GORASP2: variants seen among roughly 807,000 people sequenced by gnomAD.
GORASP2 encodes Golgi reassembly-stacking protein 2.
GORASP2 carries 22 observed loss-of-function variants against 45.7 expected under a neutral mutation model. The ratio of observed to expected loss-of-function variants is 0.48; its 90% CI spans 0.34 to 0.69. The LOEUF (loss-of-function observed/expected upper bound fraction) is 0.69. Among genes scored for constraint, GORASP2 ranks in the 30% least tolerant of loss-of-function variants. The pLI is 0.01. For missense variants in GORASP2, 491 were observed against 562.7 expected (o/e 0.87, Z 1.29); for synonymous variants, 221 against 215.6 (o/e 1.02, Z -0.22).
chr2:170,956,389 G>T (rs767419253), intron 6 of GORASP2, 47 bp from the exon 7 acceptor site: 1 of 1,531,716 alleles, frequency 6.5e-7, no homozygotes, highest in Non-Finnish European at 8.8e-7. Context: ...TATTTTCTTT[G>T]AAATAAACTT....
At chr2:170,939,159 ATGT>A (rs1704019341) in intron 1 of GORASP2, among the ~76,000 whole-genome samples, 1 of 152,176 alleles carries the variant, frequency 6.6e-6, no homozygotes, top group African/African-American at 2.4e-5. Context: ...ATTTCTTTCG[ATGT>A]TGTTTTTCTA....
rs1008016991 is a variant in GORASP2 at position 170,947,301 on chromosome 2, G to C, written c.64-1049G>C. On this transcript the variant is annotated intron_variant, in intron 1 of 9. Transcript: ENST00000234160. Reference sequence around the variant, plus strand: ...TCTCTATTTCTGTCCACACTACTCTGTTGTCTAGCTACGCATGCTGTGATC... The same window carrying C: ...TCTCTATTTCTGTCCACACTACTCTCTTGTCTAGCTACGCATGCTGTGATC... Among the ~76,000 whole-genome samples the C allele has an allele frequency of 6.6e-5, 10 of 152,190 alleles. 1 individual carries two copies. Among genetic ancestry groups the C allele is most frequent in the South Asian group, 6.2e-4 (3 of 4,832 alleles).
In GORASP2 at chr2:170,962,874, C is replaced by G. The variant is rs1430912412; in HGVS notation, c.946C>G (p.Pro316Ala). Residue 316 changes from proline (P) to alanine (A), a missense_variant, in exon 9 of 10, where the codon CCC (proline) becomes GCC (alanine). Physicochemically the swap from Pro to Ala is conservative, Grantham distance 27 (BLOSUM62 -1). Coordinates refer to ENST00000234160, the MANE Select transcript of GORASP2 (RefSeq NM_015530.5). Reference sequence around the variant, plus strand: ...TTTACCAGCAGGACTGCCCAACCTCCCCAACCTCAACCTCAACCTCCCAGC... The same window carrying G: ...TTTACCAGCAGGACTGCCCAACCTCGCCAACCTCAACCTCAACCTCCCAGC... ...MPLPAGLPNL[P>A]NLNLNLPAPH... The G allele has an allele frequency of 6.2e-7, 1 of 1,613,866 alleles. No homozygotes were observed. Among genetic ancestry groups the G allele is most frequent in the African/African-American group, 1.3e-5 (1 of 74,862 alleles).
At position 170,960,247 on chromosome 2, in the gene GORASP2, A is replaced by G. The variant is rs146456773; in HGVS notation, c.824-1416A>G. 5.8e-3 allele frequency among the ~76,000 whole-genome samples: 890 copies of G among 152,348 alleles called. 11 individuals carry two copies. The highest frequency in any genetic ancestry group is 0.02 in the African/African-American group (824 of 41,572). On this transcript the variant is annotated intron_variant, in intron 7 of 9. Coordinates refer to ENST00000234160, the MANE Select transcript of GORASP2 (RefSeq NM_015530.5). ...TGTAAAGTGCCTCAGTGCCTTGAAC[A>G]ATGTGTAACATACAGTAGGTGCCCC... is the stretch of plus-strand genomic sequence containing the variant.
chr2:170,933,828 A>G lies in GORASP2; in HGVS notation c.63+4425A>G, dbSNP rs1413510944. Among the ~76,000 whole-genome samples the G allele has an allele frequency of 2.6e-5, 4 of 152,132 alleles. No homozygotes were observed. The East Asian group carries it at 7.7e-4, about 29-fold the overall frequency. On this transcript the variant is annotated intron_variant, in intron 1 of 9. Coordinates refer to ENST00000234160, the MANE Select transcript of GORASP2 (RefSeq NM_015530.5). ...ATTCTTTCTCATGCTTGCTTCTGGG[A>G]GAGATTTTGAGGTGATGGATATTTT...
At chr2:170,933,659 T>G (rs1703878548) in intron 1 of GORASP2, among the ~76,000 whole-genome samples, 1 of 151,946 alleles carries the variant, frequency 6.6e-6, no homozygotes, top group Admixed American at 6.6e-5. Context: ...CAGATGCCTA[T>G]TATAGGATCT....
chr2:170,936,847 C>A (rs35123411), intron 1 of GORASP2: 70,147 of 304,654 alleles, frequency 0.23, 8,784 homozygotes, highest in Middle Eastern at 0.31. Flanking sequence ...TATCCTCACA[C>A]CACTGCACTC....
rs2723231 is a variant in GORASP2 at position 170,929,969 on chromosome 2, G to A, written c.63+566G>A. On this transcript the variant is annotated intron_variant, in intron 1 of 9. Transcript: ENST00000234160. ...AGGTTCGACGGACTTAAACAGACTTGATTTTGACCAGACTTTTCCTTTCCC... is the reference window on the plus strand; with the variant it reads ...AGGTTCGACGGACTTAAACAGACTTAATTTTGACCAGACTTTTCCTTTCCC... 5.9e-3 allele frequency: 1,988 copies of A among 339,348 alleles called. 42 individuals carry two copies. The highest frequency in any genetic ancestry group is 0.039 in the African/African-American group (1,734 of 44,044). 21.0% of individuals were successfully genotyped at this position (339,348 alleles called of 1,614,324 possible).
At chr2:170,963,425 CGCTGCTACTGCTGCT>C (rs1163855773) in intron 9 of GORASP2, among the ~76,000 whole-genome samples, 10 of 146,588 alleles carry the variant, frequency 6.8e-5, no homozygotes, top group Non-Finnish European at 8.9e-5. Context: ...TCTCAGTCCC[CGCTGCTACTGCTGCT>C]GCTGCTGCTG....
intron 6 of GORASP2, among the ~76,000 whole-genome samples, chr2:170,955,565 G>T (rs924889898): frequency 2.0e-5 from 3 of 152,188 alleles, no homozygotes; most frequent in Admixed American, 1.3e-4. Context: ...TAAAGACAAG[G>T]CTGCTGCCAC....
chr2:170,945,262 AC>A (rs1432893416), intron 1 of GORASP2, among the ~76,000 whole-genome samples: 1 of 152,110 alleles, frequency 6.6e-6, no homozygotes, highest in Non-Finnish European at 1.5e-5. Context: ...GGAGTTCGAG[AC>A]CTGCATTGGC....
chr2:170,959,538 C>A (rs1314484955), intron 7 of GORASP2, among the ~76,000 whole-genome samples: 2 of 152,186 alleles, frequency 1.3e-5, no homozygotes, highest in Non-Finnish European at 2.9e-5. Flanking sequence ...AATGTTCTAG[C>A]ATCACAACAC....
chr2:170,941,006 A>T (rs2105315376), intron 1 of GORASP2, among the ~76,000 whole-genome samples: 1 of 152,300 alleles, frequency 6.6e-6, no homozygotes, highest in Middle Eastern at 3.4e-3. Context: ...TGTAATAGAG[A>T]TGCCCCTTTA....
intron 1 of GORASP2, among the ~76,000 whole-genome samples, chr2:170,935,016 G>T (rs1007336492): frequency 6.6e-6 from 1 of 152,162 alleles, no homozygotes; most frequent in African/African-American, 2.4e-5. Context: ...GGTATTACAG[G>T]CGTGAGCCAC....
At chr2:170,937,831 A>G (rs1703991312) in intron 1 of GORASP2, among the ~76,000 whole-genome samples, 1 of 152,154 alleles carries the variant, frequency 6.6e-6, no homozygotes, top group South Asian at 2.1e-4. Context: ...ATAAAGACAG[A>G]AGGAAAGAAT....
At chr2:170,936,673 G>A in intron 1 of GORASP2, 1 of 1,295,124 alleles carries the variant, frequency 7.7e-7, no homozygotes, top group South Asian at 1.2e-5. Flanking sequence ...GGAAGCTTAA[G>A]CCGGGCATAA....
chr2:170,942,401 CT>C (rs1294022735), intron 1 of GORASP2, among the ~76,000 whole-genome samples: 1 of 152,150 alleles, frequency 6.6e-6, no homozygotes, highest in Non-Finnish European at 1.5e-5. Flanking sequence ...CCCACAACCC[CT>C]CATAACAACT....
intron 2 of GORASP2, 190 bp downstream of exon 2, chr2:170,948,620 C>T (rs1357593021): frequency 2.4e-6 from 1 of 420,880 alleles, no homozygotes; most frequent in Admixed American, 4.5e-5. Flanking sequence ...CACTGATTAT[C>T]TTAGGGAAGT....
chr2:170,949,309 A>G (rs1384620371), intron 2 of GORASP2, among the ~76,000 whole-genome samples: 2 of 152,238 alleles, frequency 1.3e-5, no homozygotes, highest in African/African-American at 4.8e-5. Flanking sequence ...TGCAAATTCC[A>G]TAATCCATAA....
Sources: gnomAD v4.1 joint callset for allele counts (sites outside exome capture counted in the v4.1 genomes callset) on GRCh38, gnomAD v4.1.1 for gene constraint, MANE v1.5 for transcripts, NCBI Gene and HGNC (gene_info 2026-07-23, HGNC 2026-07-21) for gene names.